The following BMPER variants were observed in gnomAD, a reference collection of about 807,000 sequenced individuals.
BMPER encodes the protein BMP binding endothelial regulator.
Under a neutral mutation model 87.3 loss-of-function variants are expected in BMPER, and 45 were observed. That is an observed-to-expected ratio of 0.52 (90% CI 0.41 to 0.66). The LOEUF (loss-of-function observed/expected upper bound fraction) is 0.66. Ranked by LOEUF, BMPER falls within the 30% of genes least tolerant of loss-of-function variation. The pLI is 0.00. For synonymous variants in BMPER, 326 were observed against 316.2 expected, an observed-to-expected ratio of 1.03 and a Z score of -0.33; for missense variants, 784 against 867.5, an observed-to-expected ratio of 0.90 and a Z score of 1.21.
At position 34,085,934 on chromosome 7, in the gene BMPER, G is replaced by A; in HGVS notation, c.1587G>A (p.Glu529=). ...ACTTTGCTGAATCTTGGAGGGTGGA[G>A]TCCAATGAGTTCTGCAACAGACCTC... is the stretch of plus-strand genomic sequence containing the variant. ...VDDFAESWRV[E]SNEFCNRPQR... is the part of the protein sequence containing the mutation. The change falls in exon 13 of 15, where the codon GAG becomes GAA. Residue 529 remains glutamate (E), a synonymous_variant. Transcript: ENST00000649409. 1 of 1,614,122 alleles carries A rather than the reference G, an allele frequency of 6.2e-7. No homozygotes were observed.
chr7:33,970,271 A>G, intron 4 of BMPER, 58 bp from the exon 5 acceptor site: 1 of 1,562,330 alleles, frequency 6.4e-7, no homozygotes, highest in Non-Finnish European at 8.8e-7. Flanking sequence ...CACTTTCCAA[A>G]AGTAGTAACT....
chr7:33,990,646 A>C (rs929937152), intron 6 of BMPER, among the ~76,000 whole-genome samples: 11 of 151,324 alleles, frequency 7.3e-5, no homozygotes, highest in Admixed American at 2.6e-4. Flanking sequence ...GAACTTCCAA[A>C]ACTATGTTGA....
At chr7:33,973,468 A>G (rs182856419) in intron 5 of BMPER, among the ~76,000 whole-genome samples, 4 of 152,356 alleles carry the variant, frequency 2.6e-5, no homozygotes, top group Admixed American at 2.6e-4. Flanking sequence ...TCACTTGGTA[A>G]TGCAACTTCA....
At chr7:34,132,960 G>C (rs1301754092) in intron 13 of BMPER, among the ~76,000 whole-genome samples, 1 of 150,898 alleles carries the variant, frequency 6.6e-6, no homozygotes. Flanking sequence ...TGTAGGTAAG[G>C]GCACTAGGGA....
intron 6 of BMPER, among the ~76,000 whole-genome samples, chr7:34,022,299 A>G (rs1585745601): frequency 6.6e-6 from 1 of 152,084 alleles, no homozygotes; most frequent in Non-Finnish European, 1.5e-5. Flanking sequence ...TCTTCTAGGG[A>G]TCATTTCCCA....
At chr7:33,911,902 GA>G (rs1303214830) in intron 2 of BMPER, among the ~76,000 whole-genome samples, 2 of 152,134 alleles carry the variant, frequency 1.3e-5, no homozygotes, top group Non-Finnish European at 2.9e-5. Flanking sequence ...AATTTCAAAA[GA>G]AAATGATAAA....
chr7:34,057,343 A>G (rs1788312552), intron 9 of BMPER, among the ~76,000 whole-genome samples: 2 of 152,152 alleles, frequency 1.3e-5, no homozygotes, highest in African/African-American at 4.8e-5. Context: ...TATACCTTTC[A>G]TGAGTGAAAG....
At chr7:34,023,640 A>G (rs892121555) in intron 6 of BMPER, among the ~76,000 whole-genome samples, 5 of 152,092 alleles carry the variant, frequency 3.3e-5, no homozygotes, top group African/African-American at 9.6e-5. Flanking sequence ...TCCAACTCCT[A>G]TTATAGAAAT....
chr7:34,139,132 G>C (rs1790798659), intron 13 of BMPER, among the ~76,000 whole-genome samples: 1 of 152,190 alleles, frequency 6.6e-6, no homozygotes, highest in Admixed American at 6.5e-5. Context: ...AAGTGCATTT[G>C]AAGATGCTTT....
intron 5 of BMPER, among the ~76,000 whole-genome samples, chr7:33,970,724 G>C (rs1240520649): frequency 6.6e-6 from 1 of 152,164 alleles, no homozygotes; most frequent in Non-Finnish European, 1.5e-5. Context: ...GGCTTCCAGA[G>C]ATGTCTTTTT....
chr7:34,011,630 CAAAG>C (rs1220937281), intron 6 of BMPER, among the ~76,000 whole-genome samples: 4 of 78,216 alleles, frequency 5.1e-5, no homozygotes, highest in Non-Finnish European at 8.9e-5. Context: ...AAAAAAGAAA[CAAAG>C]AAAGCAAATT....
intron 3 of BMPER, among the ~76,000 whole-genome samples, chr7:33,951,797 G>A (rs1485030219): frequency 6.6e-6 from 1 of 152,140 alleles, no homozygotes; most frequent in Non-Finnish European, 1.5e-5. Flanking sequence ...TAGTACTGTT[G>A]GCTCACATTA....
At chr7:33,998,779 G>A (rs1354021372) in intron 6 of BMPER, among the ~76,000 whole-genome samples, 3 of 152,244 alleles carry the variant, frequency 2.0e-5, no homozygotes, top group Non-Finnish European at 4.4e-5. Flanking sequence ...GCTGCCGAAG[G>A]CCTGGCAGAT....
At chr7:34,067,455 G>A (rs371118907) in intron 11 of BMPER, among the ~76,000 whole-genome samples, 16 of 152,282 alleles carry the variant, frequency 1.1e-4, no homozygotes, top group Middle Eastern at 3.4e-3. Flanking sequence ...TCCACTGACA[G>A]AGGTTCTGCA....
intron 10 of BMPER, among the ~76,000 whole-genome samples, chr7:34,059,861 A>T (rs1016272880): frequency 6.6e-5 from 10 of 151,518 alleles, no homozygotes; most frequent in Admixed American, 5.9e-4. Context: ...GAAGGGTTTT[A>T]TGATTGGATT....
intron 6 of BMPER, chr7:34,042,720 T>C (rs1422890686): frequency 6.6e-6 from 1 of 152,192 alleles, no homozygotes; most frequent in East Asian, 1.9e-4. Context: ...CTGCCTTTCA[T>C]TCACTAATTT....
chr7:34,138,679 C>G (rs569733999), intron 13 of BMPER, among the ~76,000 whole-genome samples: 1 of 152,136 alleles, frequency 6.6e-6, no homozygotes, highest in East Asian at 1.9e-4. Flanking sequence ...GGGCCTGATT[C>G]CTTTGTTATT....
At chr7:33,936,578 A>G (rs920160574) in intron 2 of BMPER, among the ~76,000 whole-genome samples, 1 of 152,188 alleles carries the variant, frequency 6.6e-6, no homozygotes, top group African/African-American at 2.4e-5. Flanking sequence ...GGTGCATACA[A>G]TCCATATACA....
At chr7:34,040,833 A>C (rs1303071128) in intron 6 of BMPER, among the ~76,000 whole-genome samples, 5 of 152,180 alleles carry the variant, frequency 3.3e-5, no homozygotes, top group Admixed American at 2.0e-4. Flanking sequence ...GAGGGAGAGA[A>C]GGAAAGAAGG....
Sources: allele counts gnomAD v4.1 joint callset (sites outside exome capture counted in the v4.1 genomes callset), GRCh38; gene constraint gnomAD v4.1.1; transcripts MANE v1.5; gene names NCBI Gene and HGNC (gene_info 2026-07-23, HGNC 2026-07-21).